SLC9A1: variants seen among roughly 807,000 people sequenced by gnomAD.
SLC9A1 encodes sodium/hydrogen exchanger 1.
Under a neutral mutation model 67.9 loss-of-function variants are expected in SLC9A1, and 22 were observed. The ratio of observed to expected loss-of-function variants is 0.32; its 90% CI spans 0.23 to 0.46. SLC9A1 has a LOEUF of 0.46. Ranked by LOEUF, SLC9A1 falls within the 20% of genes least tolerant of loss-of-function variation. SLC9A1 has a pLI of 1.00. For missense variants in SLC9A1, 686 were observed against 1,094.8 expected (o/e 0.63, Z 5.27); for synonymous variants, 421 against 471.8 (o/e 0.89, Z 1.40).
In SLC9A1 at chr1:27,109,703, C is replaced by G. The variant is rs773039619; in HGVS notation, c.888G>C (p.Leu296=). 31 of 1,613,948 alleles carry G rather than the reference C, an allele frequency of 1.9e-5. No homozygotes were observed. Among genetic ancestry groups the G allele is most frequent in the Admixed American group, 5.0e-5 (3 of 60,010 alleles). Residue 296 remains leucine, a synonymous_variant, in exon 3 of 12, where the codon CTG becomes CTC. Coordinates refer to ENST00000263980, the MANE Select transcript of SLC9A1 (RefSeq NM_003047.5). This position sits in a 1 kb window ranked among gnomAD's most constrained non-coding sequence, Gnocchi z 5.5. Reference sequence around the variant, plus strand: ...CGCCCAGGGCCACCACGAAGAAGCTCAGGAAGCCGAGGAAGATGTCCACGA... The same window carrying G: ...CGCCCAGGGCCACCACGAAGAAGCTGAGGAAGCCGAGGAAGATGTCCACGA... The part of the protein sequence containing the change: ...VGIVDIFLGF[L]SFFVVALGGV...
At chr1:27,151,307 A>C (rs1386045846) in intron 1 of SLC9A1, among the ~76,000 whole-genome samples, 1 of 152,198 alleles carries the variant, frequency 6.6e-6, no homozygotes, top group Non-Finnish European at 1.5e-5. Flanking sequence ...TATTTATGTA[A>C]TAATCACATT....
chr1:27,128,523 G>T (rs376711408), intron 1 of SLC9A1, among the ~76,000 whole-genome samples: 1 of 152,056 alleles, frequency 6.6e-6, no homozygotes, highest in Non-Finnish European at 1.5e-5. Flanking sequence ...GGCATGGCTG[G>T]TGCATACCTG....
intron 1 of SLC9A1, among the ~76,000 whole-genome samples, chr1:27,147,299 CA>C (rs57583944): frequency 1.0e-3 from 44 of 43,942 alleles, no homozygotes; most frequent in South Asian, 3.4e-3. Context: ...GACTCTGTCT[CA>C]AAAAAAAAAA....
intron 1 of SLC9A1, among the ~76,000 whole-genome samples, chr1:27,138,685 T>C (rs1228693978): frequency 6.6e-6 from 1 of 151,944 alleles, no homozygotes; most frequent in Non-Finnish European, 1.5e-5. Flanking sequence ...CACAGCTGTA[T>C]GGAGGAACAG....
intron 1 of SLC9A1, among the ~76,000 whole-genome samples, chr1:27,117,999 TC>T (rs200180680): frequency 0.029 from 4,483 of 152,192 alleles, 83 homozygotes; most frequent in South Asian, 0.045. Context: ...GAGCTGGCAT[TC>T]CTATTGAACA....
rs570687964 is a variant in SLC9A1, at chr1:27,109,782, G to A, written c.814-5C>T. 5.8e-5 allele frequency: 94 copies of A among 1,613,596 alleles called. No homozygotes were observed. The South Asian group carries it at 1.0e-3, about 17-fold the overall frequency. On this transcript the variant is annotated splice_region_variant and splice_polypyrimidine_tract_variant and intron_variant, in intron 2 of 11. Transcript: ENST00000263980. The surrounding 1 kb of genome is among the most constrained non-coding windows in gnomAD (Gnocchi z 5.5). ...CTCAAAGAGGTGATACAGGACCTGG[G>A]GAGGGTGTGCAGGCTGGTGGGTGGG... is the stretch of plus-strand genomic sequence containing the variant.
chr1:27,132,553 T>A (rs1418658529), intron 1 of SLC9A1, among the ~76,000 whole-genome samples: 1 of 152,084 alleles, frequency 6.6e-6, no homozygotes, highest in Non-Finnish European at 1.5e-5. Context: ...AAGATGCCTC[T>A]CCCCTCCTCA....
At chr1:27,135,569 C>T (rs1260533519) in intron 1 of SLC9A1, among the ~76,000 whole-genome samples, 1 of 144,994 alleles carries the variant, frequency 6.9e-6, no homozygotes, top group African/African-American at 2.6e-5. Flanking sequence ...ATGTTCTGAG[C>T]ACCTGCTCTC....
chr1:27,113,782 G>C (rs140052977), intron 2 of SLC9A1, 44 bp downstream of exon 2: 1 of 1,486,436 alleles, frequency 6.7e-7, no homozygotes, highest in East Asian at 2.3e-5. Flanking sequence ...CCTGGATTTG[G>C]GTTTGTACCG....
chr1:27,125,158 G>C (rs1354362623), intron 1 of SLC9A1, among the ~76,000 whole-genome samples: 1 of 147,894 alleles, frequency 6.8e-6, no homozygotes, highest in African/African-American at 2.5e-5. Context: ...ACCCATCCAA[G>C]CCAGCACAAT....
chr1:27,108,611 A>G (rs115080522), intron 3 of SLC9A1, among the ~76,000 whole-genome samples: 3,437 of 152,170 alleles, frequency 0.023, 125 homozygotes, highest in African/African-American at 0.076. Context: ...AGAGGCTGCA[A>G]TGAGCTGAGA....
At position 27,118,269 on chromosome 1, in the gene SLC9A1, G is replaced by C. The variant is rs1007942697; in HGVS notation, c.353-3983C>G. Among the ~76,000 whole-genome samples the C allele has an allele frequency of 6.6e-6, 1 of 152,216 alleles. No individual in the cohort carries two copies. Among genetic ancestry groups the C allele is most frequent in the Non-Finnish European group, 1.5e-5 (1 of 68,042 alleles). On this transcript the variant is annotated intron_variant, in intron 1 of 11. Coordinates refer to ENST00000263980, the MANE Select transcript of SLC9A1 (RefSeq NM_003047.5). This position sits in a 1 kb window ranked among gnomAD's most constrained non-coding sequence, Gnocchi z 4.3. The stretch of plus-strand genomic sequence containing the variant: ...GAGGGCCGGGCCGGGCCAGGCTGAG[G>C]AGAAAGGTCTGAGATCCACTTTTGG...
At chr1:27,149,712 A>C (rs1197502641) in intron 1 of SLC9A1, among the ~76,000 whole-genome samples, 3 of 152,346 alleles carry the variant, frequency 2.0e-5, no homozygotes, top group Admixed American at 2.0e-4. Flanking sequence ...GAGGCAAGTC[A>C]GGTTCAGAGA....
chr1:27,148,002 A>G (rs1333196949), intron 1 of SLC9A1, among the ~76,000 whole-genome samples: 17 of 152,110 alleles, frequency 1.1e-4, no homozygotes. Flanking sequence ...TATCAAAAAA[A>G]AAAAGAAAAA....
chr1:27,123,798 A>G (rs912000097), intron 1 of SLC9A1, among the ~76,000 whole-genome samples: 3 of 151,504 alleles, frequency 2.0e-5, no homozygotes, highest in South Asian at 2.1e-4. Flanking sequence ...GGCGTGAGCC[A>G]CCGCGCCCAG....
At chr1:27,143,857 C>T (rs989015245) in intron 1 of SLC9A1, among the ~76,000 whole-genome samples, 6 of 152,190 alleles carry the variant, frequency 3.9e-5, no homozygotes, top group African/African-American at 1.4e-4. Flanking sequence ...CACACACTCA[C>T]ATACTCAATA....
intron 7 of SLC9A1, 31 bp downstream of exon 7, chr1:27,102,641 CT>C (rs2083155791): frequency 1.2e-6 from 2 of 1,612,898 alleles, no homozygotes; most frequent in Non-Finnish European, 1.7e-6. Context: ...TTGCCTGCCC[CT>C]CCCTGCCTGC....
intron 2 of SLC9A1, among the ~76,000 whole-genome samples, chr1:27,113,071 A>G (rs1438612725): frequency 6.6e-6 from 1 of 152,090 alleles, no homozygotes; most frequent in Non-Finnish European, 1.5e-5. Context: ...TATAGCCAAC[A>G]TGAGAGCTGA....
At chr1:27,147,042 C>T (rs1369857672) in intron 1 of SLC9A1, among the ~76,000 whole-genome samples, 2 of 151,814 alleles carry the variant, frequency 1.3e-5, no homozygotes, top group Non-Finnish European at 2.9e-5. Flanking sequence ...GAGGCTGAGG[C>T]GGGCAGATCA....
Sources: allele counts gnomAD v4.1 joint callset (sites outside exome capture counted in the v4.1 genomes callset), GRCh38; gene constraint gnomAD v4.1.1; non-coding constraint Gnocchi (gnomAD v3.1); transcripts MANE v1.5; gene names NCBI Gene and HGNC (gene_info 2026-07-23, HGNC 2026-07-21).